The following BMP8B variants were observed in gnomAD, a reference collection of about 807,000 sequenced individuals.
The protein encoded by BMP8B is bone morphogenetic protein 8b.
A neutral mutation model predicts 30.3 loss-of-function variants in BMP8B; 17 were observed. The ratio of observed to expected loss-of-function variants is 0.56; its 90% CI spans 0.38 to 0.84. The LOEUF (loss-of-function observed/expected upper bound fraction) is 0.84. Ranked by LOEUF, BMP8B falls within the 40% of genes least tolerant of loss-of-function variation. The pLI is 0.00. For missense variants in BMP8B, 253 were observed against 494.6 expected (o/e 0.51, Z 4.63); for synonymous variants, 131 against 214.7 (o/e 0.61, Z 3.41).
At chr1:39,775,577 G>C (rs1650168835) in intron 1 of BMP8B, among the ~76,000 whole-genome samples, 1 of 152,222 alleles carries the variant, frequency 6.6e-6, no homozygotes, top group Non-Finnish European at 1.5e-5. Context: ...CAGCTGAGCT[G>C]GGCTGAGGCA....
intron 1 of BMP8B, among the ~76,000 whole-genome samples, chr1:39,780,992 C>T (rs1650600820): frequency 6.6e-6 from 1 of 152,214 alleles, no homozygotes; most frequent in African/African-American, 2.4e-5. Context: ...AACCCTCACA[C>T]CCATGTTTGC....
In BMP8B at chr1:39,777,082, T is replaced by C. The variant is rs111861629; in HGVS notation, c.335-2044A>G. Among the ~76,000 whole-genome samples, 12 of 152,262 alleles carry C rather than the reference T, an allele frequency of 7.9e-5. 1 individual carries two copies. The highest frequency in any genetic ancestry group is 2.2e-4 in the African/African-American group (9 of 41,550). On this transcript the variant is annotated intron_variant, in intron 1 of 6. Transcript: ENST00000372827. ...TCAGACATGAACATTCTCTCAGGCGTTGCTGATAGGAATGCTGTGTAGAGG... is the reference window on the plus strand; with the variant it reads ...TCAGACATGAACATTCTCTCAGGCGCTGCTGATAGGAATGCTGTGTAGAGG...
Position 39,760,547 on chromosome 1 carries a change from C to A in BMP8B, c.1081G>T (p.Ala361Ser). Residue 361 changes from alanine to serine, a missense_variant, in exon 7 of 7, where the codon GCA becomes TCA. By Grantham distance (99) the Ala-to-Ser change is moderately conservative (BLOSUM62 1). This residue lies in a region of BMP8B where 116 missense variants were observed against 142.3 expected (regional missense o/e 0.81). Transcript: ENST00000372827. Reference protein sequence around the residue: ...QSLVHLMMPDAVPKACCAPTK... With the variant: ...QSLVHLMMPDSVPKACCAPTK... ...GGTGCACAGCACGCCTTGGGGACTG[C>A]GTCTGGCATCATCAGGTGCACCTGG... 6.2e-7 allele frequency: 1 copy of A among 1,613,846 alleles called. No individual in the cohort carries two copies. The highest frequency in any genetic ancestry group is 8.5e-7 in the Non-Finnish European group (1 of 1,179,968).
chr1:39,782,766 G>C (rs190669340), intron 1 of BMP8B, among the ~76,000 whole-genome samples: 144 of 152,036 alleles, frequency 9.5e-4, no homozygotes, highest in African/African-American at 3.4e-3. Context: ...TCCGTGCCTG[G>C]CCAGACACTT....
chr1:39,780,514 C>G (rs1374508872), intron 1 of BMP8B, among the ~76,000 whole-genome samples: 2 of 152,220 alleles, frequency 1.3e-5, no homozygotes, highest in Non-Finnish European at 2.9e-5. Flanking sequence ...AACGTGAATT[C>G]CATTCTGGCT....
rs530593056 is a variant in BMP8B, at chr1:39,769,166, G to A, written c.674-4349C>T. Reference sequence around the variant, plus strand: ...CATTCCATTGCATTCCAGCCTGAGCGACAGAGCCAGACCCTGCCTCAAAAA... The same window carrying A: ...CATTCCATTGCATTCCAGCCTGAGCAACAGAGCCAGACCCTGCCTCAAAAA... On this transcript the variant is annotated intron_variant, in intron 3 of 6. Coordinates refer to ENST00000372827, the MANE Select transcript of BMP8B (RefSeq NM_001720.5). Among the ~76,000 whole-genome samples, 78 of 150,532 alleles carry A rather than the reference G, an allele frequency of 5.2e-4. 2 individuals are homozygous for A. The highest frequency in any genetic ancestry group is 8.6e-4 in the Admixed American group (13 of 15,146).
intron 5 of BMP8B, 173 bp downstream of exon 5, chr1:39,763,538 AC>A: frequency 9.5e-7 from 1 of 1,055,590 alleles, no homozygotes; most frequent in Non-Finnish European, 1.3e-6. Flanking sequence ...AAAAAACTGA[AC>A]AAAAAAAAAA....
chr1:39,782,461 T>A (rs878978357), intron 1 of BMP8B, among the ~76,000 whole-genome samples: 3 of 87,720 alleles, frequency 3.4e-5, no homozygotes, highest in South Asian at 3.5e-4. Context: ...GACACTTGCT[T>A]TGTTTTTGTT....
At chr1:39,760,600 G>A (rs767351961) in intron 6 of BMP8B, 32 bp from the exon 7 acceptor site, 15 of 1,605,202 alleles carry the variant, frequency 9.3e-6, no homozygotes, top group Non-Finnish European at 1.2e-5. Flanking sequence ...GCAGGGGCAT[G>A]AGCCCAGTGG....
chr1:39,762,300 C>T (rs1336458432), intron 6 of BMP8B: 5 of 506,326 alleles, frequency 9.9e-6, no homozygotes, highest in African/African-American at 2.0e-5. Flanking sequence ...CTTCTGGGCT[C>T]GTGTGCTGCG....
chr1:39,776,241 G>T (rs1440463043), intron 1 of BMP8B, among the ~76,000 whole-genome samples: 1 of 152,000 alleles, frequency 6.6e-6, no homozygotes, highest in Non-Finnish European at 1.5e-5. Context: ...GGCTGTAGTT[G>T]CGGAATAAAG....
In BMP8B at chr1:39,758,791, C is replaced by G. The variant is rs908164796; in HGVS notation, c.*1628G>C. ...CAACTTCCAGACAGCCTGGGGCTGC[C>G]CTTTGCGTACATGGGAGGGTCTCTT... On this transcript the variant is annotated 3_prime_UTR_variant, in exon 7 of 7. Coordinates refer to ENST00000372827, the MANE Select transcript of BMP8B (RefSeq NM_001720.5). 3.3e-5 allele frequency: 5 copies of G among 152,286 alleles called. No homozygotes were observed. The highest frequency in any genetic ancestry group is 7.3e-5 in the Non-Finnish European group (5 of 68,090). 9.4% of individuals were successfully genotyped at this position (152,286 alleles called of 1,614,324 possible). A position where few individuals can be genotyped will look rare whatever the true frequency, so the allele number is the denominator to read the frequency against.
intron 1 of BMP8B, among the ~76,000 whole-genome samples, chr1:39,779,096 T>C (rs1199020386): frequency 6.6e-6 from 1 of 152,172 alleles, no homozygotes. Flanking sequence ...TGAGTGGCCC[T>C]GGAGTTCAAT....
Position 39,788,101 on chromosome 1 carries a change from C to T in BMP8B, c.334+51G>A. The stretch of plus-strand genomic sequence containing the variant: ...GCACAGCCCGCGGATGCGCGCCCCT[C>T]CCCTGCAGCCAGCTTACTCCGAGGG... On this transcript the variant is annotated intron_variant, in intron 1 of 6. Transcript: ENST00000372827. The surrounding 1 kb of genome is among the most constrained non-coding windows in gnomAD (Gnocchi z 5.8). 6.8e-7 allele frequency: 1 copy of T among 1,473,482 alleles called. No homozygotes were observed. The highest frequency in any genetic ancestry group is 8.9e-7 in the Non-Finnish European group (1 of 1,122,470). The allele number at this position is 1,473,482 out of a possible 1,614,324, so 91.3% of individuals were successfully genotyped here.
chr1:39,763,131 G>A lies in BMP8B; in HGVS notation c.1020C>T (p.Ser340=), dbSNP rs148004271. 2.2e-5 allele frequency: 35 copies of A among 1,613,994 alleles called. No individual in the cohort carries two copies. Among genetic ancestry groups the A allele is most frequent in the Non-Finnish European group, 2.5e-5 (29 of 1,179,994 alleles). The change falls in exon 6 of 7, where the codon TCC becomes TCT. Residue 340 remains serine (S), a synonymous_variant. Transcript: ENST00000372827. ...TGGCGTGGTTGGTGGCATTCATGCA[G>A]GAGTCCAGTGGGAAGGAGCACTCCC... The part of the protein sequence containing the change: ...CEGECSFPLD[S]CMNATNHAIL...
At chr1:39,787,764 T>C (rs1651086998) in intron 1 of BMP8B, among the ~76,000 whole-genome samples, 2 of 152,264 alleles carry the variant, frequency 1.3e-5, no homozygotes, top group Admixed American at 6.5e-5. Context: ...CTGAACTTTG[T>C]CCCTCTCCTC....
intron 1 of BMP8B, among the ~76,000 whole-genome samples, chr1:39,784,649 C>T (rs1650860822): frequency 8.3e-6 from 1 of 120,094 alleles, no homozygotes. Flanking sequence ...AAAGAGGTCC[C>T]TGGTAAAGAA....
At chr1:39,764,268 C>T (rs868007343) in intron 4 of BMP8B, among the ~76,000 whole-genome samples, 10,805 of 132,084 alleles carry the variant, frequency 0.082, no homozygotes, top group African/African-American at 0.23. Context: ...GGGGAGAAAA[C>T]TCGCATAAGC....
At chr1:39,760,835 TC>T (rs1455363837) in intron 6 of BMP8B, among the ~76,000 whole-genome samples, 1 of 151,526 alleles carries the variant, frequency 6.6e-6, no homozygotes, top group Non-Finnish European at 1.5e-5. Flanking sequence ...GGGCCTGGAG[TC>T]CCAGGCCAAG....
Sources: gnomAD v4.1 joint callset for allele counts (sites outside exome capture counted in the v4.1 genomes callset) on GRCh38, gnomAD v4.1.1 for gene constraint, gnomAD v4.1.1 regional missense constraint, Gnocchi (gnomAD v3.1) non-coding constraint, MANE v1.5 for transcripts, NCBI Gene and HGNC (gene_info 2026-07-23, HGNC 2026-07-21) for gene names.